Variants in NUBPL observed in about 807,000 individuals in gnomAD.
NUBPL encodes NUBP iron-sulfur cluster assembly factor, mitochondrial.
Under a neutral mutation model 45.7 loss-of-function variants are expected in NUBPL, and 31 were observed. The observed-to-expected ratio is 0.68, with a 90% CI of 0.51 to 0.92. The LOEUF (loss-of-function observed/expected upper bound fraction) is 0.92. Ranked by LOEUF, NUBPL falls within the 40% of genes least tolerant of loss-of-function variation. The probability of loss-of-function intolerance (pLI) is 0.00; values close to 1 mark genes in which losing one functional copy is unlikely to be tolerated. For missense variants in NUBPL, 401 were observed against 398.7 expected, an observed-to-expected ratio of 1.01 and a Z score of -0.05; for synonymous variants, 144 against 140.9, an observed-to-expected ratio of 1.02 and a Z score of -0.15.
At chr14:31,810,604 T>G (rs553572874) in intron 7 of NUBPL, among the ~76,000 whole-genome samples, 2 of 152,330 alleles carry the variant, frequency 1.3e-5, no homozygotes, top group African/African-American at 4.8e-5. Flanking sequence ...AATGGGGCAT[T>G]TAGCCCATTT....
chr14:31,730,667 C>T (rs764299446), intron 6 of NUBPL, among the ~76,000 whole-genome samples: 7 of 152,016 alleles, frequency 4.6e-5, no homozygotes, highest in South Asian at 2.1e-4. Context: ...TGGGTTTCAC[C>T]GTGTTAGCCA....
At chr14:31,803,423 G>T (rs1387788740) in intron 7 of NUBPL, among the ~76,000 whole-genome samples, 1 of 151,698 alleles carries the variant, frequency 6.6e-6, no homozygotes, top group Admixed American at 6.6e-5. Flanking sequence ...GGATTTTAGT[G>T]CTGTGTTTCC....
At chr14:31,711,974 G>A (rs2037582275) in intron 6 of NUBPL, among the ~76,000 whole-genome samples, 1 of 152,190 alleles carries the variant, frequency 6.6e-6, no homozygotes, top group African/African-American at 2.4e-5. Flanking sequence ...TTCGCAGTGA[G>A]TGTTAGAGCT....
chr14:31,828,537 A>G (rs2040140043), intron 8 of NUBPL, among the ~76,000 whole-genome samples: 1 of 152,236 alleles, frequency 6.6e-6, no homozygotes, highest in African/African-American at 2.4e-5. Flanking sequence ...AGCTCACCCA[A>G]AAACATGAAT....
Position 31,576,478 on chromosome 14 carries a change from C to G in NUBPL, c.291+11430C>G, listed in dbSNP as rs547886658. Among the ~76,000 whole-genome samples the G allele has an allele frequency of 3.3e-5, 5 of 152,254 alleles. No homozygotes were observed. The East Asian group carries it at 5.8e-4, about 18-fold the overall frequency. On this transcript the variant is annotated intron_variant, in intron 3 of 10. Transcript: ENST00000281081. The stretch of plus-strand genomic sequence containing the variant: ...ATCTCACTATGTTGCCCAGGCTGGT[C>G]TGAAACTCTTGGGCTTAAGTCGTCT...
chr14:31,852,713 T>C (rs923819689), intron 10 of NUBPL, among the ~76,000 whole-genome samples: 1 of 152,100 alleles, frequency 6.6e-6, no homozygotes, highest in Non-Finnish European at 1.5e-5. Flanking sequence ...ATTTGAATCA[T>C]GAGAGAAGAA....
rs140515703 is a variant in NUBPL at position 31,810,976 on chromosome 14, G to A, written c.608-15653G>A. On this transcript the variant is annotated intron_variant, in intron 7 of 10. Coordinates refer to ENST00000281081, the MANE Select transcript of NUBPL (RefSeq NM_025152.3). ...TCTCTTCTGGCTTGTAGGGTTTCTG[G>A]CGAGAGATCCACTGTTAGTCTGATG... Among the ~76,000 whole-genome samples, 280 of 152,198 alleles carry A rather than the reference G, an allele frequency of 1.8e-3. 1 individual carries two copies. Among genetic ancestry groups the A allele is most frequent in the African/African-American group, 6.4e-3 (266 of 41,536 alleles).
At chr14:31,624,179 A>G (rs1168916255) in intron 4 of NUBPL, among the ~76,000 whole-genome samples, 1 of 152,182 alleles carries the variant, frequency 6.6e-6, no homozygotes, top group Non-Finnish European at 1.5e-5. Flanking sequence ...AAGAGAATGG[A>G]TGAATAGACC....
chr14:31,638,790 A>C (rs114914903), intron 4 of NUBPL, among the ~76,000 whole-genome samples: 1 of 151,194 alleles, frequency 6.6e-6, no homozygotes, highest in African/African-American at 2.4e-5. Flanking sequence ...GTTCGTTTCT[A>C]TTCTTTTTTC....
intron 4 of NUBPL, among the ~76,000 whole-genome samples, chr14:31,616,771 A>G (rs2139617615): frequency 6.6e-6 from 1 of 152,264 alleles, no homozygotes; most frequent in East Asian, 1.9e-4. Flanking sequence ...TTTTTGTTCC[A>G]TATGAAATGT....
intron 4 of NUBPL, among the ~76,000 whole-genome samples, chr14:31,622,565 T>C (rs1322137011): frequency 6.6e-6 from 1 of 152,156 alleles, no homozygotes; most frequent in Non-Finnish European, 1.5e-5. Flanking sequence ...CTTTGCAGCC[T>C]TGGGACATGG....
rs113804253 is a variant in NUBPL at position 31,719,889 on chromosome 14, C to T, written c.513+46315C>T. 3.9e-4 allele frequency among the ~76,000 whole-genome samples: 60 copies of T among 152,050 alleles called. 1 individual carries two copies. The highest frequency in any genetic ancestry group is 1.3e-3 in the African/African-American group (53 of 41,484). ...GCCAACTTACTTCATTATGCCATGT[C>T]ATGAACATTTTACCCTGCTATTAAT... On this transcript the variant is annotated intron_variant, in intron 6 of 10. Coordinates refer to ENST00000281081, the MANE Select transcript of NUBPL (RefSeq NM_025152.3).
At chr14:31,799,244 A>C (rs2039534177) in intron 7 of NUBPL, among the ~76,000 whole-genome samples, 1 of 152,132 alleles carries the variant, frequency 6.6e-6, no homozygotes, top group Admixed American at 6.6e-5. Context: ...CACACAAAAA[A>C]ATCCTTTTTT....
intron 7 of NUBPL, among the ~76,000 whole-genome samples, chr14:31,791,431 C>T (rs755089829): frequency 6.6e-6 from 1 of 152,106 alleles, no homozygotes; most frequent in African/African-American, 2.4e-5. Context: ...ATTCCCTAGA[C>T]AAGAGTTCCT....
At chr14:31,790,927 T>C (rs577745832) in intron 7 of NUBPL, among the ~76,000 whole-genome samples, 11 of 152,184 alleles carry the variant, frequency 7.2e-5, no homozygotes, top group African/African-American at 2.4e-4. Context: ...CTATTCTTAA[T>C]TTATTTTTTA....
intron 3 of NUBPL, among the ~76,000 whole-genome samples, chr14:31,587,161 A>C (rs2034016207): frequency 6.6e-6 from 1 of 152,170 alleles, no homozygotes; most frequent in African/African-American, 2.4e-5. Flanking sequence ...CTGGGATTTG[A>C]CCATTAGTTT....
chr14:31,621,653 G>A (rs1209910417), intron 4 of NUBPL, among the ~76,000 whole-genome samples: 3 of 152,156 alleles, frequency 2.0e-5, no homozygotes, highest in African/African-American at 7.2e-5. Flanking sequence ...AATGAACTGG[G>A]TACCTCAGTT....
chr14:31,628,376 A>G (rs1346478742), intron 4 of NUBPL, among the ~76,000 whole-genome samples: 4 of 152,202 alleles, frequency 2.6e-5, no homozygotes, highest in African/African-American at 9.6e-5. Flanking sequence ...AAGTGTTTAC[A>G]CATTTCATTA....
At chr14:31,792,895 G>T (rs1224854126) in intron 7 of NUBPL, among the ~76,000 whole-genome samples, 3 of 152,048 alleles carry the variant, frequency 2.0e-5, no homozygotes, top group Admixed American at 2.0e-4. Flanking sequence ...AGATTTAGAG[G>T]GAATGGCACC....
Sources: gnomAD v4.1 joint callset for allele counts (sites outside exome capture counted in the v4.1 genomes callset) on GRCh38, gnomAD v4.1.1 for gene constraint, MANE v1.5 for transcripts, NCBI Gene and HGNC (gene_info 2026-07-23, HGNC 2026-07-21) for gene names.